Variants in GRIK2 observed in about 807,000 individuals in gnomAD.
The protein encoded by GRIK2 is glutamate receptor ionotropic, kainate 2.
Under a neutral mutation model 100.3 loss-of-function variants are expected in GRIK2, and 32 were observed. The observed-to-expected ratio is 0.32, with a 90% CI of 0.24 to 0.43. GRIK2 has a LOEUF of 0.43. Among genes scored for constraint, GRIK2 ranks in the 20% least tolerant of loss-of-function variants. GRIK2 has a pLI of 1.00. For synonymous variants in GRIK2, 417 were observed against 389.4 expected, an observed-to-expected ratio of 1.07 and a Z score of -0.83; for missense variants, 843 against 1,114.9, an observed-to-expected ratio of 0.76 and a Z score of 3.47.
chr6:101,688,681 T>C (rs1385461832), intron 7 of GRIK2, among the ~76,000 whole-genome samples: 2 of 151,950 alleles, frequency 1.3e-5, no homozygotes, highest in African/African-American at 4.8e-5. Flanking sequence ...AAAATGTGTC[T>C]ATTAAAAATC....
intron 2 of GRIK2, among the ~76,000 whole-genome samples, chr6:101,462,834 G>T (rs982058768): frequency 2.6e-5 from 4 of 152,158 alleles, no homozygotes; most frequent in African/African-American, 9.7e-5. Flanking sequence ...AAACTGGGTC[G>T]AGGGTGGGGT....
chr6:102,047,471 C>G (rs1770952618), intron 15 of GRIK2, among the ~76,000 whole-genome samples: 2 of 152,018 alleles, frequency 1.3e-5, no homozygotes, highest in Non-Finnish European at 2.9e-5. Flanking sequence ...TCTTCCTGGC[C>G]AGGTTCGGTG....
chr6:101,880,709 C>T (rs1292067243), intron 11 of GRIK2, among the ~76,000 whole-genome samples: 5 of 151,780 alleles, frequency 3.3e-5, no homozygotes, highest in Admixed American at 2.6e-4. Context: ...TATATCTAAA[C>T]AGAAGAGTAA....
chr6:101,908,397 A>G (rs982178590), intron 12 of GRIK2, among the ~76,000 whole-genome samples: 3 of 151,338 alleles, frequency 2.0e-5, no homozygotes, highest in Admixed American at 6.6e-5. Flanking sequence ...TGCAGCTTAG[A>G]TAATATATGA....
At chr6:101,535,984 G>T (rs1322281061) in intron 2 of GRIK2, among the ~76,000 whole-genome samples, 2 of 151,644 alleles carry the variant, frequency 1.3e-5, no homozygotes, top group Non-Finnish European at 3.0e-5. Context: ...TTAAATTGAT[G>T]AACTTAATTC....
intron 11 of GRIK2, among the ~76,000 whole-genome samples, chr6:101,872,588 G>A (rs1244456520): frequency 6.6e-6 from 1 of 151,792 alleles, no homozygotes. Flanking sequence ...TGGGGACACA[G>A]CCAAACCATA....
chr6:101,651,492 A>G (rs923440843), intron 4 of GRIK2, among the ~76,000 whole-genome samples: 3 of 152,152 alleles, frequency 2.0e-5, no homozygotes, highest in African/African-American at 7.2e-5. Flanking sequence ...AATCAGTGTC[A>G]TAAATATGTA....
chr6:101,944,720 A>T (rs1791169013), intron 14 of GRIK2, among the ~76,000 whole-genome samples: 1 of 152,154 alleles, frequency 6.6e-6, no homozygotes, highest in Non-Finnish European at 1.5e-5. Context: ...AGCTGTAATA[A>T]TTCATTATAA....
intron 14 of GRIK2, among the ~76,000 whole-genome samples, chr6:102,018,756 T>G (rs1769263954): frequency 6.6e-6 from 1 of 152,106 alleles, no homozygotes; most frequent in Non-Finnish European, 1.5e-5. Flanking sequence ...GTTTACCTTT[T>G]TACTTGGTAA....
chr6:101,594,661 A>G (rs145980456), intron 2 of GRIK2, among the ~76,000 whole-genome samples: 323 of 151,932 alleles, frequency 2.1e-3, no homozygotes, highest in Middle Eastern at 6.8e-3. Flanking sequence ...AAAATTGGTG[A>G]CAAGTTGGCT....
intron 7 of GRIK2, among the ~76,000 whole-genome samples, chr6:101,791,457 C>T (rs952290295): frequency 9.2e-5 from 14 of 152,118 alleles, no homozygotes; most frequent in Non-Finnish European, 1.5e-4. Context: ...GCCTTCATTT[C>T]GTTATGTACC....
chr6:101,798,354 G>A (rs2128412709), intron 7 of GRIK2, among the ~76,000 whole-genome samples: 1 of 152,146 alleles, frequency 6.6e-6, no homozygotes, highest in Middle Eastern at 3.4e-3. Context: ...GGCTCAGGAT[G>A]TATGCCTCAA....
chr6:101,737,866 A>C lies in GRIK2; in HGVS notation c.951+51513A>C, dbSNP rs564497076. On this transcript the variant is annotated intron_variant, in intron 7 of 16. Coordinates refer to ENST00000369134, the MANE Select transcript of GRIK2 (RefSeq NM_021956.5). ...TGGTGCATTGTGAAAGAAAAGGTTG[A>C]ACAAAAATCAATTCATGTCAGAATT... Among the ~76,000 whole-genome samples the C allele has an allele frequency of 7.9e-5, 12 of 152,290 alleles. No individual in the cohort carries two copies. In the South Asian group the frequency reaches 2.5e-3, roughly 32 times the overall value.
At chr6:101,991,391 G>GTTT (rs35883376) in intron 14 of GRIK2, among the ~76,000 whole-genome samples, 4 of 146,416 alleles carry the variant, frequency 2.7e-5, no homozygotes, top group South Asian at 4.2e-4. Context: ...TATTTGCTAT[G>GTTT]TTTTTTTTTT....
chr6:101,786,306 A>T (rs938638058), intron 7 of GRIK2, among the ~76,000 whole-genome samples: 3 of 150,662 alleles, frequency 2.0e-5, no homozygotes, highest in African/African-American at 7.3e-5. Context: ...CTGTTGTCTG[A>T]TTGCTCTGAG....
intron 14 of GRIK2, among the ~76,000 whole-genome samples, chr6:101,995,395 C>T (rs986480481): frequency 6.6e-6 from 1 of 151,846 alleles, no homozygotes; most frequent in African/African-American, 2.4e-5. Context: ...GACAACTGAA[C>T]GTATTTTAAA....
At chr6:101,611,726 G>A (rs921040918) in intron 2 of GRIK2, among the ~76,000 whole-genome samples, 3 of 151,604 alleles carry the variant, frequency 2.0e-5, no homozygotes, top group Non-Finnish European at 2.9e-5. Context: ...ACTCCTCCTC[G>A]CCTGGAAAAT....
chr6:101,656,916 A>G (rs1428390512), intron 4 of GRIK2, among the ~76,000 whole-genome samples: 1 of 152,232 alleles, frequency 6.6e-6, no homozygotes, highest in African/African-American at 2.4e-5. Context: ...TGCACTCTGG[A>G]GGCAAAGACT....
intron 5 of GRIK2, among the ~76,000 whole-genome samples, chr6:101,680,180 C>A (rs1429790948): frequency 1.3e-5 from 2 of 152,144 alleles, no homozygotes; most frequent in Admixed American, 1.3e-4. Context: ...GAAGAAAAAC[C>A]TGTAGCCATT....
Sources: gnomAD v4.1 joint callset for allele counts (sites outside exome capture counted in the v4.1 genomes callset) on GRCh38, gnomAD v4.1.1 for gene constraint, MANE v1.5 for transcripts, NCBI Gene and HGNC (gene_info 2026-07-23, HGNC 2026-07-21) for gene names.